Variants in PARD3B observed in about 807,000 individuals in gnomAD.
PARD3B encodes the protein partitioning defective 3 homolog B.
A neutral mutation model predicts 130.2 loss-of-function variants in PARD3B; 103 were observed. That is an observed-to-expected ratio of 0.79 (90% CI 0.67 to 0.93). The LOEUF is 0.93. Ranked by LOEUF, PARD3B falls within the 40% of genes least tolerant of loss-of-function variation. The probability of loss-of-function intolerance (pLI) is 0.00; values close to 1 mark genes in which losing one functional copy is unlikely to be tolerated. For synonymous variants in PARD3B, 583 were observed against 553.2 expected (o/e 1.05, Z -0.76); for missense variants, 1,609 against 1,499.2 (o/e 1.07, Z -1.21).
At chr2:204,676,586 G>A (rs368658207) in intron 1 of PARD3B, among the ~76,000 whole-genome samples, 31 of 151,650 alleles carry the variant, frequency 2.0e-4, no homozygotes, top group Admixed American at 9.2e-4. Flanking sequence ...CTTGAGATAC[G>A]GCTATCTAGC....
chr2:205,546,328 G>A (rs1052252597), intron 21 of PARD3B, among the ~76,000 whole-genome samples: 2 of 152,058 alleles, frequency 1.3e-5, no homozygotes, highest in African/African-American at 4.8e-5. Context: ...ACGTTACACT[G>A]TTGTGTAAAA....
In PARD3B at chr2:204,677,663, C is replaced by T. The variant is rs2036618637; in HGVS notation, c.121-8518C>T. On this transcript the variant is annotated intron_variant, in intron 1 of 22. Transcript: ENST00000406610. This position sits in a 1 kb window ranked among gnomAD's most constrained non-coding sequence, Gnocchi z 4.1. ...TTCCTTGTTCTGTTCTCACACAGTCCTTGTATTATCATAGCCTAAGATGGT... is the reference window on the plus strand; with the variant it reads ...TTCCTTGTTCTGTTCTCACACAGTCTTTGTATTATCATAGCCTAAGATGGT... Among the ~76,000 whole-genome samples the T allele has an allele frequency of 6.6e-6, 1 of 152,172 alleles. No individual in the cohort carries two copies. Among genetic ancestry groups the T allele is most frequent in the African/African-American group, 2.4e-5 (1 of 41,430 alleles).
At chr2:204,779,980 C>G (rs1407852904) in intron 2 of PARD3B, among the ~76,000 whole-genome samples, 1 of 152,066 alleles carries the variant, frequency 6.6e-6, no homozygotes, top group African/African-American at 2.4e-5. Context: ...TTGGGTTGAG[C>G]TGTTTTGTGA....
chr2:204,965,727 A>G (rs1033104367), intron 3 of PARD3B, among the ~76,000 whole-genome samples: 4 of 152,224 alleles, frequency 2.6e-5, no homozygotes, highest in African/African-American at 4.8e-5. Flanking sequence ...TGCCCAAACT[A>G]TAATCTCAGA....
At chr2:205,439,154 G>T (rs2047623355) in intron 19 of PARD3B, among the ~76,000 whole-genome samples, 1 of 152,076 alleles carries the variant, frequency 6.6e-6, no homozygotes, top group African/African-American at 2.4e-5. Context: ...AGCTGTTTTT[G>T]TTCGAATAGG....
chr2:205,455,543 AT>A (rs534690111), intron 20 of PARD3B, among the ~76,000 whole-genome samples: 85 of 149,956 alleles, frequency 5.7e-4, no homozygotes, highest in African/African-American at 8.5e-4. Context: ...ACTTTAGTAG[AT>A]TTTTTTTTTC....
rs114527349 is a variant in PARD3B, at chr2:204,853,607, C to A, written c.223-111545C>A. Reference sequence around the variant, plus strand: ...GCAAACTAAAGAATATGCTGACAACCATAACAAATAACTAAATGAGTGATG... The same window carrying A: ...GCAAACTAAAGAATATGCTGACAACAATAACAAATAACTAAATGAGTGATG... On this transcript the variant is annotated intron_variant, in intron 2 of 22. Transcript: ENST00000406610. 5.9e-3 allele frequency among the ~76,000 whole-genome samples: 900 copies of A among 152,182 alleles called. 10 individuals are homozygous for A. The highest frequency in any genetic ancestry group is 0.021 in the African/African-American group (868 of 41,520).
intron 2 of PARD3B, among the ~76,000 whole-genome samples, chr2:204,925,242 C>A (rs747307318): frequency 2.0e-4 from 30 of 152,006 alleles, no homozygotes; most frequent in Non-Finnish European, 4.0e-4. Context: ...TAAGCCTTGG[C>A]AGCTAGATAG....
chr2:205,021,327 A>G lies in PARD3B; in HGVS notation c.395-26254A>G, dbSNP rs1696580950. On this transcript the variant is annotated intron_variant, in intron 3 of 22. Coordinates refer to ENST00000406610, the MANE Select transcript of PARD3B (RefSeq NM_001302769.2). The surrounding 1 kb of genome is among the most constrained non-coding windows in gnomAD (Gnocchi z 4.5). The stretch of plus-strand genomic sequence containing the variant: ...AGAATGTAAAATAATAATAATTTAG[A>G]CATTGTTTTGGAATGATAAAGTTTA... Among the ~76,000 whole-genome samples, 1 of 152,258 alleles carries G rather than the reference A, an allele frequency of 6.6e-6. No homozygotes were observed. Among genetic ancestry groups the G allele is most frequent in the Non-Finnish European group, 1.5e-5 (1 of 68,022 alleles).
In PARD3B at chr2:204,675,705, A is replaced by G. The variant is rs2125219308; in HGVS notation, c.121-10476A>G. 6.6e-6 allele frequency among the ~76,000 whole-genome samples: 1 copy of G among 152,340 alleles called. No homozygotes were observed. The highest frequency in any genetic ancestry group is 2.1e-4 in the South Asian group (1 of 4,832). On this transcript the variant is annotated intron_variant, in intron 1 of 22. Coordinates refer to ENST00000406610, the MANE Select transcript of PARD3B (RefSeq NM_001302769.2). The surrounding 1 kb of genome is among the most constrained non-coding windows in gnomAD (Gnocchi z 4.4). ...TATAGTTACTTCACAAAGCTGAATG[A>G]AAGTGACATGGGTTAATTAACATTC... is the stretch of plus-strand genomic sequence containing the variant.
In PARD3B at chr2:204,564,328, G is replaced by A. The variant is rs1001196225; in HGVS notation, c.120+18209G>A. Among the ~76,000 whole-genome samples the A allele has an allele frequency of 3.3e-5, 5 of 152,126 alleles. 1 individual carries two copies. The highest frequency in any genetic ancestry group is 9.7e-5 in the African/African-American group (4 of 41,406). On this transcript the variant is annotated intron_variant, in intron 1 of 22. Transcript: ENST00000406610. ...AAGAGAGCCTGCAGTAGGCTGGAAT[G>A]GCCAAGTGGGAAAATGGACAGAATT...
At chr2:205,061,792 T>G (rs1466095626) in intron 4 of PARD3B, among the ~76,000 whole-genome samples, 2 of 148,840 alleles carry the variant, frequency 1.3e-5, no homozygotes, top group Admixed American at 6.6e-5. Context: ...TTCTTTTAAT[T>G]TCAAAAAAAA....
chr2:205,607,379 G>T (rs368277662), intron 22 of PARD3B, among the ~76,000 whole-genome samples: 3 of 152,302 alleles, frequency 2.0e-5, no homozygotes, highest in Non-Finnish European at 2.9e-5. Flanking sequence ...GTCAGAGACT[G>T]CATGGTCTAA....
Position 205,325,833 on chromosome 2 carries a change from A to C in PARD3B, c.2630+24132A>C, listed in dbSNP as rs2042921230. On this transcript the variant is annotated intron_variant, in intron 18 of 22. Transcript: ENST00000406610. The surrounding 1 kb of genome is among the most constrained non-coding windows in gnomAD (Gnocchi z 4.1). ...TTATTTCAATTTACCTACAATTATC[A>C]GGGCAAATATATAGAAGGAACAAAA... Among the ~76,000 whole-genome samples, 1 of 152,216 alleles carries C rather than the reference A, an allele frequency of 6.6e-6. No homozygotes were observed. Among genetic ancestry groups the C allele is most frequent in the African/African-American group, 2.4e-5 (1 of 41,464 alleles).
intron 3 of PARD3B, among the ~76,000 whole-genome samples, chr2:204,992,085 G>C (rs2125244791): frequency 1.3e-5 from 2 of 151,928 alleles, no homozygotes; most frequent in African/African-American, 4.8e-5. Flanking sequence ...AGTTTAATTA[G>C]ATCCCATTTG....
intron 2 of PARD3B, among the ~76,000 whole-genome samples, chr2:204,735,790 T>C (rs1014230681): frequency 7.9e-5 from 12 of 152,168 alleles, no homozygotes; most frequent in Admixed American, 7.2e-4. Context: ...GGAAGCATGG[T>C]GTGTTGCATC....
In PARD3B at chr2:204,929,066, A is replaced by G. The variant is rs1259654213; in HGVS notation, c.223-36086A>G. On this transcript the variant is annotated intron_variant, in intron 2 of 22. Transcript: ENST00000406610. The stretch of plus-strand genomic sequence containing the variant: ...ACCACTACCATCCTGGTTAATAGCT[A>G]TTGCATGCAGTTGGTTTTCTTAACC... Among the ~76,000 whole-genome samples the G allele has an allele frequency of 1.2e-4, 18 of 151,994 alleles. No homozygotes were observed. The South Asian group carries it at 2.1e-3, about 18-fold the overall frequency.
intron 1 of PARD3B, among the ~76,000 whole-genome samples, chr2:204,665,755 G>T (rs1041542642): frequency 6.6e-6 from 1 of 152,184 alleles, no homozygotes; most frequent in African/African-American, 2.4e-5. Context: ...AGCTGTGGTT[G>T]CAAGAAACTA....
intron 2 of PARD3B, among the ~76,000 whole-genome samples, chr2:204,910,599 T>G (rs2047196949): frequency 6.6e-6 from 1 of 152,138 alleles, no homozygotes; most frequent in Non-Finnish European, 1.5e-5. Context: ...CAAATTAATG[T>G]CTTGCCTATT....
Sources: gnomAD v4.1 joint callset for allele counts (sites outside exome capture counted in the v4.1 genomes callset) on GRCh38, gnomAD v4.1.1 for gene constraint, Gnocchi (gnomAD v3.1) non-coding constraint, MANE v1.5 for transcripts, NCBI Gene and HGNC (gene_info 2026-07-23, HGNC 2026-07-21) for gene names.